The following RNF169 variants were observed in gnomAD, a reference collection of about 807,000 sequenced individuals.
RNF169 encodes E3 ubiquitin-protein ligase RNF169.
RNF169 carries 24 observed loss-of-function variants against 53.9 expected under a neutral mutation model. The observed-to-expected ratio is 0.45, with a 90% CI of 0.32 to 0.63. The LOEUF is 0.63. RNF169 is among the 20% of genes least tolerant of loss of function. The pLI, the probability that RNF169 is intolerant of heterozygous loss-of-function variation, is 0.04. For synonymous variants in RNF169, 396 were observed against 363.5 expected (o/e 1.09, Z -1.02); for missense variants, 883 against 906.2 (o/e 0.97, Z 0.33).
intron 1 of RNF169, among the ~76,000 whole-genome samples, chr11:74,764,406 G>C (rs1345829495): frequency 6.6e-6 from 1 of 152,164 alleles, no homozygotes; most frequent in Non-Finnish European, 1.5e-5. Flanking sequence ...GGTGGCGCAT[G>C]CCTGTAATCA....
chr11:74,817,890 T>C (rs147637989), intron 4 of RNF169, among the ~76,000 whole-genome samples, 176 bp downstream of exon 4: 13 of 152,252 alleles, frequency 8.5e-5, no homozygotes, highest in Admixed American at 8.5e-4. Context: ...GACCTGAATT[T>C]TTCAGGAAAA....
chr11:74,816,483 G>A (rs2135126139), intron 3 of RNF169, among the ~76,000 whole-genome samples: 1 of 152,204 alleles, frequency 6.6e-6, no homozygotes, highest in East Asian at 1.9e-4. Context: ...CCTCTAAGAT[G>A]TTTCTAATGT....
chr11:74,806,132 C>G (rs899117308), intron 2 of RNF169, among the ~76,000 whole-genome samples: 2 of 151,812 alleles, frequency 1.3e-5, no homozygotes, highest in African/African-American at 4.8e-5. Context: ...AGAACTCTTA[C>G]AAATTACTAG....
chr11:74,819,991 T>C (rs548750077), intron 4 of RNF169, among the ~76,000 whole-genome samples: 3 of 152,122 alleles, frequency 2.0e-5, no homozygotes, highest in Admixed American at 6.5e-5. Context: ...ACAGTGTATG[T>C]ATAAGGACAG....
At chr11:74,773,478 A>G (rs1441675106) in intron 1 of RNF169, among the ~76,000 whole-genome samples, 1 of 152,188 alleles carries the variant, frequency 6.6e-6, no homozygotes, top group Non-Finnish European at 1.5e-5. Flanking sequence ...ATACGAATGA[A>G]AGGAGGGAGA....
At chr11:74,790,510 G>A (rs549716181) in intron 2 of RNF169, among the ~76,000 whole-genome samples, 17 of 152,322 alleles carry the variant, frequency 1.1e-4, no homozygotes, top group Admixed American at 4.6e-4. Context: ...GGCTGGTGGT[G>A]CCTTTGCCCA....
rs7120645 is a variant in RNF169 at position 74,749,001 on chromosome 11, C to T, written c.121C>T (p.Pro41Ser). 5,673 of 1,499,750 alleles carry T rather than the reference C, an allele frequency of 3.8e-3. 185 individuals carry two copies. In the African/African-American group the frequency reaches 0.072, roughly 19 times the overall value. The allele number at this position is 1,499,750 out of a possible 1,614,324, so 92.9% of individuals were successfully genotyped here. A position where few individuals can be genotyped will look rare whatever the true frequency, so the allele number is the denominator to read the frequency against. The change falls in exon 1 of 6, where the codon CCG becomes TCG. Residue 41 changes from proline to serine, a missense_variant. Physicochemically the swap from Pro to Ser is moderately conservative, Grantham distance 74. Transcript: ENST00000299563. ...GGCAGCTAAGACTGGGGCCCCAGGC[C>T]CGGCTTCTGGACCTTCGCTGTTGGT... ...TAAAKTGAPG[P>S]ASGPSLLVLS...
At chr11:74,814,869 G>A (rs2035922826) in intron 3 of RNF169, among the ~76,000 whole-genome samples, 1 of 152,126 alleles carries the variant, frequency 6.6e-6, no homozygotes, top group Non-Finnish European at 1.5e-5. Context: ...ATTACTAGAA[G>A]TAGAGTGACC....
intron 4 of RNF169, among the ~76,000 whole-genome samples, chr11:74,821,911 A>C (rs2036016573): frequency 1.3e-5 from 2 of 152,224 alleles, no homozygotes; most frequent in African/African-American, 4.8e-5. Flanking sequence ...ACTAGTATAG[A>C]CAAGGCAGAT....
chr11:74,810,782 A>G (rs186058416), intron 3 of RNF169, among the ~76,000 whole-genome samples: 14 of 152,320 alleles, frequency 9.2e-5, no homozygotes, highest in African/African-American at 1.4e-4. Context: ...TCTATATTCA[A>G]TTAGACTTCT....
Position 74,748,886 on chromosome 11 carries a change from G to C in RNF169, c.6G>C (p.Ala2=). The change falls in exon 1 of 6, where the codon GCG becomes GCC. Residue 2 remains alanine (A), a synonymous_variant. Coordinates refer to ENST00000299563, the MANE Select transcript of RNF169 (RefSeq NM_001098638.2). M[A]AAGPSTRASS... ...CCCTTCAAACGGGAAACAAGATGGC[G>C]GCTGCAGGTCCGAGTACTCGGGCCT... is the stretch of plus-strand genomic sequence containing the variant. 1.1e-5 allele frequency: 16 copies of C among 1,418,040 alleles called. No individual in the cohort carries two copies. The highest frequency in any genetic ancestry group is 1.5e-5 in the Non-Finnish European group (16 of 1,074,532). The allele number at this position is 1,418,040 out of a possible 1,614,324, so 87.8% of individuals were successfully genotyped here. A position where few individuals can be genotyped will look rare whatever the true frequency, so the allele number is the denominator to read the frequency against.
At chr11:74,806,158 A>C (rs886928096) in intron 2 of RNF169, among the ~76,000 whole-genome samples, 2 of 152,322 alleles carry the variant, frequency 1.3e-5, no homozygotes, top group South Asian at 2.1e-4. Context: ...AAAAACAAAC[A>C]TCTAAAAGAA....
chr11:74,788,133 C>T (rs914142836), intron 1 of RNF169, among the ~76,000 whole-genome samples: 1 of 152,070 alleles, frequency 6.6e-6, no homozygotes, highest in South Asian at 2.1e-4. Context: ...AGGTAGAAAA[C>T]TAGGCTTGGA....
At chr11:74,773,691 A>T (rs475128) in intron 1 of RNF169, among the ~76,000 whole-genome samples, 2 of 152,204 alleles carry the variant, frequency 1.3e-5, no homozygotes, top group African/African-American at 4.8e-5. Flanking sequence ...CATCATAAAT[A>T]GTATTCTGGA....
intron 1 of RNF169, among the ~76,000 whole-genome samples, chr11:74,785,211 A>ATATATATATGTTATATATAT (rs1565176541): frequency 6.9e-5 from 5 of 71,944 alleles, no homozygotes; most frequent in East Asian, 7.3e-4. Flanking sequence ...TATATATATG[A>ATATATATATGTTATATATAT]TATATATATG....
In RNF169 at chr11:74,837,580, A is replaced by G. The variant is rs1013855006; in HGVS notation, c.*850A>G. 3 of 152,232 alleles carry G rather than the reference A, an allele frequency of 2.0e-5. No homozygotes were observed. The highest frequency in any genetic ancestry group is 1.3e-4 in the Admixed American group (2 of 15,290). 9.4% of individuals were successfully genotyped at this position (152,232 alleles called of 1,614,324 possible). ...AGATCGACAGGGTGGATAAACATAT[A>G]TGTGCATTATCCCCATCCCCCACAG... On this transcript the variant is annotated 3_prime_UTR_variant, in exon 6 of 6. Coordinates refer to ENST00000299563, the MANE Select transcript of RNF169 (RefSeq NM_001098638.2).
chr11:74,835,518 A>T, intron 5 of RNF169, 28 bp from the exon 6 acceptor site: 3 of 1,536,808 alleles, frequency 2.0e-6, no homozygotes, highest in Non-Finnish European at 2.7e-6. Flanking sequence ...TGTGTGTATG[A>T]AGGCATAATC....
intron 4 of RNF169, among the ~76,000 whole-genome samples, chr11:74,827,127 A>G (rs1480136001): frequency 6.6e-6 from 1 of 152,192 alleles, no homozygotes; most frequent in African/African-American, 2.4e-5. Context: ...ACATCCCGGC[A>G]TTTGCATACA....
At chr11:74,752,097 T>G (rs2034904384) in intron 1 of RNF169, among the ~76,000 whole-genome samples, 2 of 151,270 alleles carry the variant, frequency 1.3e-5, no homozygotes, top group South Asian at 4.2e-4. Flanking sequence ...CTGGGCATGG[T>G]GGTGTGTGCC....
Sources: allele counts gnomAD v4.1 joint callset (sites outside exome capture counted in the v4.1 genomes callset), GRCh38; gene constraint gnomAD v4.1.1; transcripts MANE v1.5; gene names NCBI Gene and HGNC (gene_info 2026-07-23, HGNC 2026-07-21).